The following NYAP2 variants were observed in gnomAD, a reference collection of about 807,000 sequenced individuals.
The protein encoded by NYAP2 is neuronal tyrosine-phosphorylated phosphoinositide-3-kinase adaptor 2.
Under a neutral mutation model 50.4 loss-of-function variants are expected in NYAP2, and 23 were observed. The ratio of observed to expected loss-of-function variants is 0.46; its 90% CI spans 0.33 to 0.65. The LOEUF (loss-of-function observed/expected upper bound fraction) is 0.65, where lower values mean the gene tolerates loss of function less well. Ranked by LOEUF, NYAP2 falls within the 30% of genes least tolerant of loss-of-function variation. The pLI, the probability that NYAP2 is intolerant of heterozygous loss-of-function variation, is 0.02. For missense variants in NYAP2, 885 were observed against 861.0 expected (o/e 1.03, Z -0.35); for synonymous variants, 394 against 365.2 (o/e 1.08, Z -0.90).
At chr2:225,678,528 C>A in the NYAP2 span, among the ~76,000 whole-genome samples, 1 of 152,082 alleles carries the variant, frequency 6.6e-6, no homozygotes, top group African/African-American at 2.4e-5. Context: ...AACTTAGAAC[C>A]AATTAATAGC....
chr2:225,691,154 T>A, the NYAP2 span, among the ~76,000 whole-genome samples: 1 of 152,178 alleles, frequency 6.6e-6, no homozygotes, highest in Non-Finnish European at 1.5e-5. Flanking sequence ...GGTTAAATTT[T>A]ATTAATTATT....
At chr2:225,637,026 A>T (rs1693431436) in intron 6 of NYAP2, among the ~76,000 whole-genome samples, 1 of 152,018 alleles carries the variant, frequency 6.6e-6, no homozygotes, top group Admixed American at 6.6e-5. Flanking sequence ...AGATACCATG[A>T]TCTGTTTGTG....
chr2:225,660,736 C>A, the NYAP2 span, among the ~76,000 whole-genome samples: 14 of 152,138 alleles, frequency 9.2e-5, no homozygotes, highest in Non-Finnish European at 1.6e-4. Flanking sequence ...AAGATGTATG[C>A]GTTGTTTGGG....
intron 4 of NYAP2, among the ~76,000 whole-genome samples, chr2:225,543,188 A>G (rs1241064923): frequency 6.6e-6 from 1 of 151,646 alleles, no homozygotes; most frequent in East Asian, 1.9e-4. Flanking sequence ...ACACACCTTT[A>G]TCTTTTTAAA....
chr2:225,635,424 G>GATTAA (rs1468594675), intron 6 of NYAP2, among the ~76,000 whole-genome samples: 2 of 152,112 alleles, frequency 1.3e-5, no homozygotes, highest in Admixed American at 1.3e-4. Context: ...TTATGATGAA[G>GATTAA]ATTAAATTAA....
intron 3 of NYAP2, among the ~76,000 whole-genome samples, chr2:225,435,936 A>G (rs1689368163): frequency 6.6e-6 from 1 of 152,328 alleles, no homozygotes; most frequent in Non-Finnish European, 1.5e-5. Context: ...GAGATATACT[A>G]TCTCCCTTAT....
At chr2:225,407,678 C>A (rs575516316) in intron 2 of NYAP2, among the ~76,000 whole-genome samples, 7 of 152,010 alleles carry the variant, frequency 4.6e-5, no homozygotes, top group African/African-American at 1.7e-4. Context: ...TTAATAATAT[C>A]TTTCTAAGTT....
intron 3 of NYAP2, among the ~76,000 whole-genome samples, chr2:225,479,148 G>C (rs927219548): frequency 1.3e-5 from 2 of 152,090 alleles, no homozygotes; most frequent in African/African-American, 4.8e-5. Flanking sequence ...GATTGAAAAA[G>C]GAACAGGAGA....
At chr2:225,597,685 A>T (rs1250096199) in intron 5 of NYAP2, among the ~76,000 whole-genome samples, 2 of 150,498 alleles carry the variant, frequency 1.3e-5, no homozygotes, top group African/African-American at 4.9e-5. Flanking sequence ...CAGTAGTGGG[A>T]ATGCTGGATC....
intron 5 of NYAP2, among the ~76,000 whole-genome samples, chr2:225,592,299 C>T (rs1692521173): frequency 6.6e-6 from 1 of 152,132 alleles, no homozygotes; most frequent in African/African-American, 2.4e-5. Context: ...CCCATGGCTA[C>T]TCCAAGGGGA....
chr2:225,532,855 TCAGTGTTTG>T (rs60102224), intron 4 of NYAP2, among the ~76,000 whole-genome samples: 2,507 of 152,298 alleles, frequency 0.016, 57 homozygotes, highest in African/African-American at 0.056. Flanking sequence ...TGTGTTGTTT[TCAGTGTTTG>T]CAGTGATGCC....
chr2:225,417,452 G>T (rs1053539078), intron 3 of NYAP2, among the ~76,000 whole-genome samples: 5 of 151,674 alleles, frequency 3.3e-5, no homozygotes, highest in Admixed American at 3.3e-4. Flanking sequence ...CTCATATTTG[G>T]AAATACACAA....
chr2:225,597,954 T>G (rs1346723691), intron 5 of NYAP2, among the ~76,000 whole-genome samples: 2 of 152,166 alleles, frequency 1.3e-5, no homozygotes, highest in Non-Finnish European at 2.9e-5. Context: ...TTGCATAACT[T>G]GCTCTTCAGT....
At chr2:225,602,667 C>G (rs187289109) in intron 5 of NYAP2, among the ~76,000 whole-genome samples, 1 of 152,242 alleles carries the variant, frequency 6.6e-6, no homozygotes, top group East Asian at 1.9e-4. Flanking sequence ...GAGTTCTACT[C>G]TATTCTTTTA....
At chr2:225,515,702 C>G (rs1284308244) in intron 4 of NYAP2, among the ~76,000 whole-genome samples, 2 of 152,174 alleles carry the variant, frequency 1.3e-5, no homozygotes, top group Non-Finnish European at 2.9e-5. Flanking sequence ...TTCCTTGATA[C>G]ATGGTGCTTT....
intron 3 of NYAP2, among the ~76,000 whole-genome samples, chr2:225,504,377 T>C (rs940830249): frequency 2.6e-5 from 4 of 152,110 alleles, no homozygotes; most frequent in Non-Finnish European, 5.9e-5. Flanking sequence ...AAAGTCTCCA[T>C]CTGCAAATAC....
At chr2:225,497,715 A>G (rs1690533069) in intron 3 of NYAP2, among the ~76,000 whole-genome samples, 1 of 152,188 alleles carries the variant, frequency 6.6e-6, no homozygotes, top group African/African-American at 2.4e-5. Context: ...GTGGTCACAC[A>G]ATGATTTAGG....
intron 3 of NYAP2, among the ~76,000 whole-genome samples, chr2:225,412,255 C>CTTGTTTTTTTT (rs1695055587): frequency 1.7e-5 from 1 of 59,126 alleles, no homozygotes; most frequent in Non-Finnish European, 3.3e-5. Flanking sequence ...CTGCGCCCGG[C>CTTGTTTTTTTT]TTTTTTTTTT....
At chr2:225,530,589 T>G (rs1203799793) in intron 4 of NYAP2, among the ~76,000 whole-genome samples, 1 of 152,212 alleles carries the variant, frequency 6.6e-6, no homozygotes, top group Non-Finnish European at 1.5e-5. Context: ...TCTGTTGTTT[T>G]GCCTGATTCT....
Sources: allele counts gnomAD v4.1 joint callset (sites outside exome capture counted in the v4.1 genomes callset), GRCh38; gene constraint gnomAD v4.1.1; transcripts MANE v1.5; gene names NCBI Gene and HGNC (gene_info 2026-07-23, HGNC 2026-07-21).